Variants in UTY observed in about 807,000 individuals in gnomAD.
UTY encodes the protein ubiquitously transcribed tetratricopeptide repeat containing, Y-linked, also known as histone demethylase UTY.
UTY carries 12 observed loss-of-function variants against 32.5 expected under a neutral mutation model. That is an observed-to-expected ratio of 0.37 (90% CI 0.24 to 0.60). The LOEUF (loss-of-function observed/expected upper bound fraction) is 0.60. UTY is among the 20% of genes least tolerant of loss of function. The pLI, the probability that UTY is intolerant of heterozygous loss-of-function variation, is 0.69. For missense variants in UTY, 303 were observed against 299.2 expected (o/e 1.01, Z -0.09); for synonymous variants, 131 against 103.4 (o/e 1.27, Z -1.62).
intron 18 of UTY, among the ~76,000 whole-genome samples, chrY:13,333,513 C>G: frequency 3.0e-5 from 1 of 33,812 alleles, no homozygotes; most frequent in Non-Finnish European, 7.4e-5. Flanking sequence ...GAAAAACTGG[C>G]TAGCCATATG....
At chrY:13,246,469 G>A (rs2053948774), downstream of UTY, among the ~76,000 whole-genome samples, 1 of 32,957 alleles carries the variant, frequency 3.0e-5, no homozygotes, top group African/African-American at 1.2e-4. Context: ...AAATATTTAG[G>A]AGGAATAGAC....
intron 3 of UTY, among the ~76,000 whole-genome samples, chrY:13,457,696 C>T: frequency 3.0e-5 from 1 of 33,380 alleles, no homozygotes; most frequent in African/African-American, 1.2e-4. Context: ...GTCATGTTGA[C>T]AGTATATGTC....
chrY:13,287,651 A>C, intron 27 of UTY, among the ~76,000 whole-genome samples: 1 of 33,313 alleles, frequency 3.0e-5, no homozygotes, highest in Non-Finnish European at 7.4e-5. Context: ...GTAAAAAATA[A>C]GTATATCTGT....
chrY:13,393,834 C>T, intron 8 of UTY, 25 bp downstream of exon 8: 1 of 372,857 alleles, frequency 2.7e-6, no homozygotes, highest in Non-Finnish European at 3.7e-6. Context: ...CTGTTTCATT[C>T]TTGTTCTTAA....
intron 24 of UTY, 101 bp downstream of exon 24, chrY:13,305,298 T>G: frequency 4.8e-6 from 1 of 208,596 alleles, no homozygotes; most frequent in Non-Finnish European, 7.6e-6. Context: ...TAAAATCTTT[T>G]TGGCTTTAGA....
intron 21 of UTY, among the ~76,000 whole-genome samples, chrY:13,320,086 C>T: frequency 1.2e-4 from 4 of 32,931 alleles, no homozygotes; most frequent in African/African-American, 4.7e-4. Flanking sequence ...CATCCAAAAA[C>T]GACATATTTG....
chrY:13,473,458 G>A, intron 2 of UTY, among the ~76,000 whole-genome samples: 3 of 33,563 alleles, frequency 8.9e-5, no homozygotes, highest in Non-Finnish European at 2.2e-4. Context: ...ATTGTTTCAC[G>A]CAGGAAAAAA....
At chrY:13,419,512 T>C in intron 4 of UTY, among the ~76,000 whole-genome samples, 1 of 34,387 alleles carries the variant, frequency 2.9e-5, no homozygotes, top group Non-Finnish European at 7.3e-5. Flanking sequence ...GTTGAAAGTG[T>C]GGCAATACAT....
chrY:13,301,982 C>A (rs2058394192), intron 25 of UTY, among the ~76,000 whole-genome samples: 2 of 33,656 alleles, frequency 5.9e-5, no homozygotes, highest in Non-Finnish European at 1.5e-4. Flanking sequence ...GAACTTTTTA[C>A]CAAATAAAAT....
At chrY:13,430,694 C>T in intron 4 of UTY, among the ~76,000 whole-genome samples, 2 of 31,613 alleles carry the variant, frequency 6.3e-5, no homozygotes, top group Admixed American at 2.9e-4. Flanking sequence ...TAATACTGGT[C>T]CTTTGGGAGG....
At chrY:13,242,825 C>CT (rs2053917068) in intron 28 of UTY, among the ~76,000 whole-genome samples, 1 of 33,344 alleles carries the variant, frequency 3.0e-5, no homozygotes, top group Non-Finnish European at 7.4e-5. Context: ...GGCCAAGTGA[C>CT]TTTTTTTTAA....
chrY:13,240,260 T>TA (rs755818961), intron 28 of UTY, among the ~76,000 whole-genome samples: 22 of 23,297 alleles, frequency 9.4e-4, no homozygotes, highest in East Asian at 2.1e-3. Flanking sequence ...CACAGGCAGG[T>TA]AAAAAAAAAA....
intron 2 of UTY, among the ~76,000 whole-genome samples, chrY:13,478,046 G>C: frequency 3.0e-5 from 1 of 33,482 alleles, no homozygotes; most frequent in Non-Finnish European, 7.4e-5. Context: ...GGAGATTATA[G>C]GTAAAAGAAC....
At chrY:13,475,157 T>C in intron 2 of UTY, among the ~76,000 whole-genome samples, 1 of 33,948 alleles carries the variant, frequency 2.9e-5, no homozygotes, top group East Asian at 7.6e-4. Context: ...TCTACACTCA[T>C]GTTCCGGTGT....
At chrY:13,266,615 G>T in intron 27 of UTY, among the ~76,000 whole-genome samples, 1 of 33,294 alleles carries the variant, frequency 3.0e-5, no homozygotes, top group Admixed American at 2.7e-4. Flanking sequence ...GTTGAAGTTA[G>T]ATTTTTCCTG....
At chrY:13,325,063 A>G (rs2060134950) in intron 19 of UTY, among the ~76,000 whole-genome samples, 1 of 33,861 alleles carries the variant, frequency 3.0e-5, no homozygotes, top group African/African-American at 1.1e-4. Context: ...TTTCCCAAGC[A>G]TATTTTTTGA....
intron 27 of UTY, among the ~76,000 whole-genome samples, chrY:13,269,552 AAAAACAAAACAAAAC>A: frequency 4.5e-4 from 11 of 24,394 alleles, no homozygotes; most frequent in East Asian, 1.0e-3. Flanking sequence ...TGTGGGCATG[AAAAACAAAACAAAAC>A]AAAACAAAAC....
chrY:13,313,900 C>T (rs2059345549), intron 21 of UTY, among the ~76,000 whole-genome samples: 21 of 33,479 alleles, frequency 6.3e-4, no homozygotes, highest in Non-Finnish European at 1.5e-4. Context: ...TTTGCAGCAA[C>T]ATGGATGTAG....
intron 18 of UTY, among the ~76,000 whole-genome samples, chrY:13,329,556 C>T (rs2060531426): frequency 5.9e-5 from 2 of 33,699 alleles, no homozygotes; most frequent in Non-Finnish European, 1.5e-4. Context: ...TTAGGTTTGT[C>T]TTTGAGGCAG....
Sources: allele counts gnomAD v4.1 joint callset (sites outside exome capture counted in the v4.1 genomes callset), GRCh38; gene constraint gnomAD v4.1.1; transcripts MANE v1.5; gene names NCBI Gene and HGNC (gene_info 2026-07-23, HGNC 2026-07-21).